Variants in ARHGEF18 observed in about 807,000 individuals in gnomAD.
ARHGEF18 encodes rho guanine nucleotide exchange factor 18.
A neutral mutation model predicts 155.7 loss-of-function variants in ARHGEF18; 93 were observed. The observed-to-expected ratio is 0.60, with a 90% confidence interval of 0.50 to 0.71. ARHGEF18 has a LOEUF of 0.71. Among genes scored for constraint, ARHGEF18 ranks in the 30% least tolerant of loss-of-function variants. The probability of loss-of-function intolerance (pLI) is 0.00; values close to 1 mark genes in which losing one functional copy is unlikely to be tolerated. For synonymous variants in ARHGEF18, 742 were observed against 753.1 expected (o/e 0.99, Z 0.24); for missense variants, 1,593 against 1,816.1 (o/e 0.88, Z 2.23).
rs1320692085 is a variant in ARHGEF18, at chr19:7,464,528, G to A, written c.2774-32G>A. ...GCTTCCCCCTCCCCACGGGATGGCA[G>A]CATCCTCATGCCCCTGGCTTGGGGT... On this transcript the variant is annotated intron_variant, in intron 22 of 28. Transcript: ENST00000668164. 5 of 1,591,694 alleles carry A rather than the reference G, an allele frequency of 3.1e-6. No individual in the cohort carries two copies. The South Asian group carries it at 3.4e-5, about 11-fold the overall frequency.
chr19:7,477,254 C>G, downstream of ARHGEF18: 2 of 1,579,898 alleles, frequency 1.3e-6, no homozygotes, highest in Non-Finnish European at 1.7e-6. Context: ...CTGGTACATG[C>G]TGAGGATTGA....
intron 3 of ARHGEF18, among the ~76,000 whole-genome samples, chr19:7,375,289 G>T (rs150161638): frequency 1.9e-5 from 2 of 107,316 alleles, no homozygotes; most frequent in African/African-American, 4.0e-5. Flanking sequence ...AAAAAAGAAA[G>T]AAAAGAAAGA....
At chr19:7,403,221 C>A (rs974043460) in intron 10 of ARHGEF18, among the ~76,000 whole-genome samples, 3 of 152,082 alleles carry the variant, frequency 2.0e-5, no homozygotes, top group Non-Finnish European at 4.4e-5. Context: ...GGATTACAGG[C>A]GTGAGCCCAC....
In ARHGEF18 at chr19:7,375,853, G is replaced by A. The variant is rs746923320; in HGVS notation, c.409G>A (p.Ala137Thr). The change falls in exon 4 of 29, where the codon GCA becomes ACA. Residue 137 changes from alanine (A) to threonine (T), a missense_variant. Ala to Thr is a moderately conservative substitution (Grantham distance 58, BLOSUM62 0). Coordinates refer to ENST00000668164, the MANE Select transcript of ARHGEF18 (RefSeq NM_001367823.1). ...GTGTCTCTCTGGGGGCGGGACCCCC[G>A]CAGAGAGCCCAGGCAAGGTGGGTAT... ...QGCLSGGGTP[A>T]ESPGKECDSP... The A allele has an allele frequency of 2.1e-4, 257 of 1,234,334 alleles. 2 individuals carry two copies. The highest frequency in any genetic ancestry group is 5.5e-4 in the Admixed American group (13 of 23,700). 76.5% of individuals were successfully genotyped at this position (1,234,334 alleles called of 1,614,324 possible).
intron 10 of ARHGEF18, among the ~76,000 whole-genome samples, chr19:7,386,230 G>C (rs909620888): frequency 9.0e-6 from 1 of 111,022 alleles, no homozygotes; most frequent in African/African-American, 3.7e-5. Flanking sequence ...CTCTTGCTAT[G>C]TTGCAAAAAA....
intron 10 of ARHGEF18, among the ~76,000 whole-genome samples, chr19:7,411,251 T>TCTTCCCTTTCCC: frequency 7.8e-6 from 1 of 128,910 alleles, no homozygotes; most frequent in East Asian, 2.4e-4. Context: ...TTCCCCTACC[T>TCTTCCCTTTCCC]CTTCCCCTTC....
intron 16 of ARHGEF18, among the ~76,000 whole-genome samples, chr19:7,451,742 G>A (rs888896835): frequency 6.6e-6 from 1 of 151,014 alleles, no homozygotes; most frequent in Non-Finnish European, 1.5e-5. Flanking sequence ...GTTTTGTTTT[G>A]AGACAGTCTT....
chr19:7,386,894 T>C (rs140676584), intron 10 of ARHGEF18, among the ~76,000 whole-genome samples: 2 of 152,136 alleles, frequency 1.3e-5, no homozygotes, highest in Non-Finnish European at 2.9e-5. Flanking sequence ...TTCTCCACTC[T>C]GGGCGCTGCA....
At chr19:7,354,972 G>A (rs143959269) in intron 1 of ARHGEF18, among the ~76,000 whole-genome samples, 5 of 151,456 alleles carry the variant, frequency 3.3e-5, no homozygotes, top group East Asian at 1.9e-4. Flanking sequence ...AAACCCAGGC[G>A]GACACCAAAA....
At chr19:7,433,295 C>T (rs1319061944) in intron 10 of ARHGEF18, among the ~76,000 whole-genome samples, 3 of 151,442 alleles carry the variant, frequency 2.0e-5, no homozygotes, top group Admixed American at 6.6e-5. Flanking sequence ...AGTGAAACCC[C>T]GTCTCTACTA....
At chr19:7,411,826 C>T (rs1972703854) in intron 10 of ARHGEF18, among the ~76,000 whole-genome samples, 1 of 152,078 alleles carries the variant, frequency 6.6e-6, no homozygotes, top group African/African-American at 2.4e-5. Flanking sequence ...TCTGACAACT[C>T]TAGGGACCTC....
At chr19:7,428,988 G>A (rs141649914) in intron 10 of ARHGEF18, among the ~76,000 whole-genome samples, 18 of 152,350 alleles carry the variant, frequency 1.2e-4, no homozygotes, top group African/African-American at 4.3e-4. Context: ...TCGGGAGTGT[G>A]GTGAGCTGTA....
intron 10 of ARHGEF18, among the ~76,000 whole-genome samples, chr19:7,417,210 G>T (rs567570861): frequency 1.3e-5 from 2 of 152,086 alleles, no homozygotes; most frequent in Non-Finnish European, 2.9e-5. Flanking sequence ...ACTACACCTG[G>T]CCTGGATGAT....
In ARHGEF18 at chr19:7,459,957, G is replaced by T. The variant is rs972065094; in HGVS notation, c.2415G>T (p.Val805=). ...GCCTGCCCGAAGAGGAAAGGAAGGT[G>T]GTCGAGGCCCGCGCCACGAGACTCC... ...PFSLPEEERK[V]VEARATRLRD... is the part of the protein sequence containing the mutation. The change falls in exon 20 of 29, where the codon GTG becomes GTT. Residue 805 remains valine (V), a synonymous_variant. Coordinates refer to ENST00000668164, the MANE Select transcript of ARHGEF18 (RefSeq NM_001367823.1). 9.4e-6 allele frequency: 15 copies of T among 1,591,154 alleles called. No individual in the cohort carries two copies. In the African/African-American group the frequency reaches 2.0e-4, roughly 21 times the overall value.
chr19:7,422,411 C>A lies in ARHGEF18; in HGVS notation c.968-17933C>A, dbSNP rs1238968353. Among the ~76,000 whole-genome samples, 5 of 146,772 alleles carry A rather than the reference C, an allele frequency of 3.4e-5. No homozygotes were observed. In the East Asian group the frequency reaches 1.1e-3, roughly 33 times the overall value. ...AACCACCTTCCCCACAATATGCCAT[C>A]ATTCCCCCTGTTAATGGCTCTGCCC... On this transcript the variant is annotated intron_variant, in intron 10 of 28. Coordinates refer to ENST00000668164, the MANE Select transcript of ARHGEF18 (RefSeq NM_001367823.1).
chr19:7,375,597 G>A (rs896780847), intron 3 of ARHGEF18, 123 bp from the exon 4 acceptor site: 6 of 1,007,622 alleles, frequency 6.0e-6, no homozygotes, highest in Middle Eastern at 3.6e-4. Context: ...TCTGTGGCTT[G>A]CGCACCCTTC....
At chr19:7,465,556 C>T (rs907584589) in intron 23 of ARHGEF18, among the ~76,000 whole-genome samples, 12 of 152,134 alleles carry the variant, frequency 7.9e-5, no homozygotes, top group South Asian at 4.1e-4. Context: ...TACAGGTGCG[C>T]GCCCCCACAC....
intron 4 of ARHGEF18, 52 bp downstream of exon 4, chr19:7,375,922 A>C: frequency 8.1e-7 from 1 of 1,233,742 alleles, no homozygotes; most frequent in Non-Finnish European, 1.0e-6. Context: ...TGGGTTTAGA[A>C]AGCAGTGCTA....
chr19:7,439,204 T>C (rs1460875822), intron 10 of ARHGEF18, among the ~76,000 whole-genome samples: 1 of 151,902 alleles, frequency 6.6e-6, no homozygotes, highest in Non-Finnish European at 1.5e-5. Context: ...TTATTAAGTG[T>C]TGCATCTTGG....
Sources: allele counts gnomAD v4.1 joint callset (sites outside exome capture counted in the v4.1 genomes callset), GRCh38; gene constraint gnomAD v4.1.1; transcripts MANE v1.5; gene names NCBI Gene and HGNC (gene_info 2026-07-23, HGNC 2026-07-21).